Variants in MCTP1 observed in about 807,000 individuals in gnomAD.
The protein encoded by MCTP1 is multiple C2 and transmembrane domain-containing protein 1.
In MCTP1, 69 loss-of-function variants were observed where a neutral mutation model predicts 120.6. The observed-to-expected ratio is 0.57, with a 90% CI of 0.47 to 0.70. MCTP1 has a LOEUF of 0.70. Among genes scored for constraint, MCTP1 ranks in the 30% least tolerant of loss-of-function variants. The pLI is 0.00. For missense variants in MCTP1, 1,203 were observed against 1,248.8 expected, an observed-to-expected ratio of 0.96 and a Z score of 0.55; for synonymous variants, 529 against 493.1, an observed-to-expected ratio of 1.07 and a Z score of -0.96.
chr5:94,828,564 TC>T (rs1224873741), intron 17 of MCTP1, among the ~76,000 whole-genome samples: 1 of 152,158 alleles, frequency 6.6e-6, no homozygotes, highest in African/African-American at 2.4e-5. Flanking sequence ...AGTCGCCCCT[TC>T]CCCCAGGTGC....
Position 95,113,313 on chromosome 5 carries a change from C to T in MCTP1, c.721-95829G>A, listed in dbSNP as rs941422144. Among the ~76,000 whole-genome samples the T allele has an allele frequency of 2.0e-5, 3 of 151,950 alleles. No individual in the cohort carries two copies. In the East Asian group the frequency reaches 5.8e-4, roughly 29 times the overall value. The stretch of plus-strand genomic sequence containing the variant: ...CAAACAAAAACCACCATCATAAGAA[C>T]CAAAAAGCAGGTGAGCACTTATAGT... On this transcript the variant is annotated intron_variant, in intron 1 of 22. Coordinates refer to ENST00000515393, the MANE Select transcript of MCTP1 (RefSeq NM_024717.7).
intron 1 of MCTP1, among the ~76,000 whole-genome samples, chr5:95,121,688 C>A (rs1758252861): frequency 6.6e-6 from 1 of 151,316 alleles, no homozygotes. Flanking sequence ...CCCAGAATAG[C>A]CAAAGTTATC....
At chr5:94,854,946 A>T (rs1794455933) in intron 17 of MCTP1, among the ~76,000 whole-genome samples, 1 of 151,798 alleles carries the variant, frequency 6.6e-6, no homozygotes. Flanking sequence ...TGGTTTCTGG[A>T]TGGGGCAGTC....
At chr5:94,778,738 A>G (rs759440942) in intron 19 of MCTP1, among the ~76,000 whole-genome samples, 3 of 152,046 alleles carry the variant, frequency 2.0e-5, no homozygotes, top group African/African-American at 7.2e-5. Context: ...CATGCAGGCT[A>G]TTTTTCCACT....
intron 1 of MCTP1, among the ~76,000 whole-genome samples, chr5:95,045,658 G>A (rs77651811): frequency 0.034 from 5,234 of 152,212 alleles, 96 homozygotes; most frequent in Admixed American, 0.046. Context: ...GGTTATGTGT[G>A]AGCCAAAGGG....
chr5:95,055,897 G>T (rs920618621), intron 1 of MCTP1, among the ~76,000 whole-genome samples: 1 of 152,132 alleles, frequency 6.6e-6, no homozygotes, highest in Non-Finnish European at 1.5e-5. Context: ...ATAAACATTA[G>T]TTAGCTACCA....
At chr5:95,095,315 G>T (rs1037188958) in intron 1 of MCTP1, among the ~76,000 whole-genome samples, 1 of 152,072 alleles carries the variant, frequency 6.6e-6, no homozygotes, top group Non-Finnish European at 1.5e-5. Flanking sequence ...GAGCCACCGC[G>T]CCCGGCCTTA....
At chr5:95,123,579 T>C (rs974259535) in intron 1 of MCTP1, among the ~76,000 whole-genome samples, 1 of 152,044 alleles carries the variant, frequency 6.6e-6, no homozygotes, top group Non-Finnish European at 1.5e-5. Flanking sequence ...ACAGGAGAGG[T>C]AGAATTTATC....
chr5:94,800,833 A>C (rs982341025), intron 17 of MCTP1, among the ~76,000 whole-genome samples: 7 of 152,140 alleles, frequency 4.6e-5, no homozygotes. Context: ...CATAGTAACT[A>C]TAGATTCAAG....
intron 3 of MCTP1, among the ~76,000 whole-genome samples, chr5:94,945,762 G>A (rs1177811455): frequency 2.0e-5 from 3 of 152,226 alleles, no homozygotes; most frequent in Admixed American, 2.0e-4. Flanking sequence ...AAAGGACAAC[G>A]AGAGTGGGAG....
At chr5:95,277,410 T>G (rs1185186886) in intron 1 of MCTP1, among the ~76,000 whole-genome samples, 3 of 152,174 alleles carry the variant, frequency 2.0e-5, no homozygotes, top group Non-Finnish European at 4.4e-5. Flanking sequence ...ATCAAATATA[T>G]CTGCCAGGCT....
intron 19 of MCTP1, among the ~76,000 whole-genome samples, chr5:94,763,821 T>A (rs922414266): frequency 6.6e-6 from 1 of 152,140 alleles, no homozygotes; most frequent in East Asian, 1.9e-4. Context: ...AGAAAAAAAA[T>A]TTTAAAACTT....
chr5:94,908,816 T>C (rs1395879003), intron 10 of MCTP1, among the ~76,000 whole-genome samples: 3 of 152,028 alleles, frequency 2.0e-5, no homozygotes, highest in Non-Finnish European at 4.4e-5. Flanking sequence ...CTTTACAGAT[T>C]TATGAACTCC....
At chr5:95,228,577 G>A (rs1007304067) in intron 1 of MCTP1, among the ~76,000 whole-genome samples, 2 of 152,062 alleles carry the variant, frequency 1.3e-5, no homozygotes, top group South Asian at 2.1e-4. Context: ...AAGGAGTGAG[G>A]AGAACCCAAA....
intron 19 of MCTP1, among the ~76,000 whole-genome samples, chr5:94,715,865 C>A (rs1759052105): frequency 6.6e-6 from 1 of 152,190 alleles, no homozygotes; most frequent in African/African-American, 2.4e-5. Context: ...ACTTTAACTT[C>A]TTTTGAACAC....
At chr5:95,261,056 G>C (rs764366277) in intron 1 of MCTP1, among the ~76,000 whole-genome samples, 7 of 152,208 alleles carry the variant, frequency 4.6e-5, no homozygotes, top group Non-Finnish European at 8.8e-5. Context: ...ATTAGACTGT[G>C]AAACTTTTCC....
Position 94,711,074 on chromosome 5 carries a change from G to GGC in MCTP1, c.2721-149_2721-148dup, listed in dbSNP as rs557503091. The GGC allele has an allele frequency of 1.5e-5, 10 of 650,876 alleles. 1 individual carries two copies. Among genetic ancestry groups the GGC allele is most frequent in the Middle Eastern group, 7.7e-4 (2 of 2,604 alleles). 40.3% of individuals were successfully genotyped at this position (650,876 alleles called of 1,614,324 possible). On this transcript the variant is annotated intron_variant, in intron 20 of 22. Transcript: ENST00000515393. ...TTGTAATAGGTTATCAGAGGACGCA[G>GGC]GCTAGCCATAATCTGCTCAGTTCCA... is the stretch of plus-strand genomic sequence containing the variant.
At position 94,879,046 on chromosome 5, in the gene MCTP1, A is replaced by G. The variant is rs538288776; in HGVS notation, c.1934-5805T>C. 5.9e-5 allele frequency among the ~76,000 whole-genome samples: 9 copies of G among 152,156 alleles called. No homozygotes were observed. The South Asian group carries it at 1.5e-3, about 25-fold the overall frequency. On this transcript the variant is annotated intron_variant, in intron 12 of 22. Coordinates refer to ENST00000515393, the MANE Select transcript of MCTP1 (RefSeq NM_024717.7). Reference sequence around the variant, plus strand: ...GGAGAAAAGTGATCCAGGTAGAGAAAGAGCTAGACCAAAAGCCTGCTGTGC... The same window carrying G: ...GGAGAAAAGTGATCCAGGTAGAGAAGGAGCTAGACCAAAAGCCTGCTGTGC...
chr5:94,894,636 G>A lies in MCTP1; in HGVS notation c.1839+13C>T. The A allele has an allele frequency of 6.4e-7, 1 of 1,552,616 alleles. No homozygotes were observed. Among genetic ancestry groups the A allele is most frequent in the Non-Finnish European group, 8.8e-7 (1 of 1,135,614 alleles). On this transcript the variant is annotated intron_variant, in intron 11 of 22. Coordinates refer to ENST00000515393, the MANE Select transcript of MCTP1 (RefSeq NM_024717.7). Reference sequence around the variant, plus strand: ...CACATGTGTCTCTGGAAGGAGGAGGGTTACATACGTACATATCTCTTTAAT... The same window carrying A: ...CACATGTGTCTCTGGAAGGAGGAGGATTACATACGTACATATCTCTTTAAT...
Sources: gnomAD v4.1 joint callset for allele counts (sites outside exome capture counted in the v4.1 genomes callset) on GRCh38, gnomAD v4.1.1 for gene constraint, MANE v1.5 for transcripts, NCBI Gene and HGNC (gene_info 2026-07-23, HGNC 2026-07-21) for gene names.